Variants in CPA6 observed in about 807,000 individuals in gnomAD.
The protein encoded by CPA6 is carboxypeptidase B.
CPA6 carries 58 observed loss-of-function variants against 63.3 expected under a neutral mutation model. The observed-to-expected ratio is 0.92, with a 90% CI of 0.74 to 1.14. The LOEUF (loss-of-function observed/expected upper bound fraction) is 1.14, where lower values mean the gene tolerates loss of function less well. Among genes scored for constraint, CPA6 ranks in the 50% most tolerant of loss-of-function variants. The probability of loss-of-function intolerance (pLI) is 0.00; values close to 1 mark genes in which losing one functional copy is unlikely to be tolerated. For synonymous variants in CPA6, 185 were observed against 179.0 expected, an observed-to-expected ratio of 1.03 and a Z score of -0.27; for missense variants, 565 against 526.6, an observed-to-expected ratio of 1.07 and a Z score of -0.71.
rs1210945048 is a variant in CPA6, at chr8:67,742,938, A to G, written c.116+3076T>C. On this transcript the variant is annotated intron_variant, in intron 1 of 10. Coordinates refer to ENST00000297770, the MANE Select transcript of CPA6 (RefSeq NM_020361.5). The stretch of plus-strand genomic sequence containing the variant: ...TCTTTTACCACTATTTTAAAAATCT[A>G]CCCTAATTTTCTGTGACGCAGAAGA... Among the ~76,000 whole-genome samples the G allele has an allele frequency of 4.6e-5, 7 of 151,890 alleles. No homozygotes were observed. The East Asian group carries it at 1.3e-3, about 29-fold the overall frequency.
chr8:67,434,025 G>T lies in CPA6; in HGVS notation c.1041+13C>A. ...ATGAAGCCTGATGTACATGCACAGG[G>T]TCAAATACTTACCACACATCTAAAA... On this transcript the variant is annotated intron_variant, in intron 9 of 10. Coordinates refer to ENST00000297770, the MANE Select transcript of CPA6 (RefSeq NM_020361.5). 1 of 1,592,908 alleles carries T rather than the reference G, an allele frequency of 6.3e-7. No homozygotes were observed. The highest frequency in any genetic ancestry group is 8.6e-7 in the Non-Finnish European group (1 of 1,162,388).
At chr8:67,613,093 A>G (rs1587634297) in intron 2 of CPA6, among the ~76,000 whole-genome samples, 2 of 152,330 alleles carry the variant, frequency 1.3e-5, no homozygotes, top group South Asian at 2.1e-4. Context: ...TCATCAAGCT[A>G]TTACAGAAAT....
intron 6 of CPA6, among the ~76,000 whole-genome samples, chr8:67,500,242 C>T (rs1811804194): frequency 6.6e-6 from 1 of 152,062 alleles, no homozygotes; most frequent in African/African-American, 2.4e-5. Flanking sequence ...TATTTTTAGC[C>T]ACTCAGATAG....
In CPA6 at chr8:67,525,208, C is replaced by T. The variant is rs552113504; in HGVS notation, c.193-7161G>A. On this transcript the variant is annotated intron_variant, in intron 2 of 10. Coordinates refer to ENST00000297770, the MANE Select transcript of CPA6 (RefSeq NM_020361.5). ...CATAGGCCCATCCTTTCTTTCCAAC[C>T]ACAGAAGTAATTTGCAATTTATCAC... is the stretch of plus-strand genomic sequence containing the variant. 2.0e-5 allele frequency among the ~76,000 whole-genome samples: 3 copies of T among 152,206 alleles called. No individual in the cohort carries two copies. In the South Asian group the frequency reaches 6.2e-4, roughly 32 times the overall value.
intron 2 of CPA6, among the ~76,000 whole-genome samples, chr8:67,604,446 G>T (rs10808755): frequency 0.56 from 85,223 of 151,966 alleles, 26,321 homozygotes; most frequent in African/African-American, 0.83. Context: ...TCCCTGACCG[G>T]TCATTCCATT....
chr8:67,449,908 C>A (rs549197947), intron 8 of CPA6, among the ~76,000 whole-genome samples: 12 of 151,520 alleles, frequency 7.9e-5, no homozygotes, highest in African/African-American at 2.9e-4. Context: ...CTCCACCTCC[C>A]GGGTTCAAGC....
At chr8:67,475,937 TTTCTTTCTC>T (rs1563968314) in intron 8 of CPA6, among the ~76,000 whole-genome samples, 1 of 142,066 alleles carries the variant, frequency 7.0e-6, no homozygotes, top group Non-Finnish European at 1.5e-5. Context: ...TTTCTTTCTC[TTTCTTTCTC>T]TGTCTTTCTT....
intron 1 of CPA6, among the ~76,000 whole-genome samples, chr8:67,741,828 A>G (rs1285819412): frequency 1.3e-5 from 2 of 152,168 alleles, no homozygotes; most frequent in Non-Finnish European, 2.9e-5. Context: ...CGTAATAACA[A>G]TAGAAATAAA....
chr8:67,431,163 C>A (rs780233738), intron 9 of CPA6, among the ~76,000 whole-genome samples: 5 of 152,088 alleles, frequency 3.3e-5, no homozygotes, highest in Non-Finnish European at 4.4e-5. Flanking sequence ...CCATTTTATG[C>A]CACATGTTCC....
intron 2 of CPA6, among the ~76,000 whole-genome samples, chr8:67,577,010 C>T (rs1033054032): frequency 1.3e-5 from 2 of 152,072 alleles, no homozygotes; most frequent in African/African-American, 4.8e-5. Flanking sequence ...ATTACAGGCG[C>T]CTGCTACCAC....
At chr8:67,559,596 T>C (rs911413758) in intron 2 of CPA6, among the ~76,000 whole-genome samples, 2 of 152,170 alleles carry the variant, frequency 1.3e-5, no homozygotes, top group African/African-American at 4.8e-5. Context: ...TGACTGTCCA[T>C]TGCCAATATT....
chr8:67,463,352 G>C (rs1810854932), intron 8 of CPA6, among the ~76,000 whole-genome samples: 1 of 152,116 alleles, frequency 6.6e-6, no homozygotes, highest in Non-Finnish European at 1.5e-5. Flanking sequence ...GCTAAGGCAG[G>C]AGGATTTCTT....
chr8:67,432,800 A>T (rs1810057764), intron 9 of CPA6, among the ~76,000 whole-genome samples: 1 of 152,178 alleles, frequency 6.6e-6, no homozygotes, highest in Non-Finnish European at 1.5e-5. Context: ...ATAGTATGCA[A>T]AGCTCTTTCC....
Position 67,463,465 on chromosome 8 carries a change from A to C in CPA6, c.838+20303T>G, listed in dbSNP as rs565048681. Among the ~76,000 whole-genome samples the C allele has an allele frequency of 2.2e-3, 306 of 137,618 alleles. 2 individuals carry two copies. Among genetic ancestry groups the C allele is most frequent in the Non-Finnish European group, 3.5e-3 (235 of 66,912 alleles). 90.3% of individuals were successfully genotyped at this position (137,618 alleles called of 152,430 possible). On this transcript the variant is annotated intron_variant, in intron 8 of 10. Transcript: ENST00000297770. Reference sequence around the variant, plus strand: ...TCTCTCTCTCAAAAATAAATAAATAAATAAATAAATAGATAAATAAAAGAA... The same window carrying C: ...TCTCTCTCTCAAAAATAAATAAATACATAAATAAATAGATAAATAAAAGAA...
intron 6 of CPA6, among the ~76,000 whole-genome samples, chr8:67,505,053 A>G (rs918525028): frequency 6.6e-6 from 1 of 152,192 alleles, no homozygotes; most frequent in African/African-American, 2.4e-5. Context: ...CTGTGGGTAC[A>G]CTGTCCTTCT....
intron 8 of CPA6, 112 bp from the exon 9 acceptor site, chr8:67,434,352 T>G: frequency 1.2e-6 from 1 of 829,902 alleles, no homozygotes; most frequent in Non-Finnish European, 1.9e-6. Context: ...ACATATGGTA[T>G]TATTAAGCAA....
intron 1 of CPA6, among the ~76,000 whole-genome samples, chr8:67,657,007 C>T (rs1192563232): frequency 6.6e-6 from 1 of 152,184 alleles, no homozygotes; most frequent in Non-Finnish European, 1.5e-5. Flanking sequence ...ATCCTATGTT[C>T]TATTTCTACC....
intron 1 of CPA6, among the ~76,000 whole-genome samples, chr8:67,689,789 C>T (rs2128997146): frequency 6.6e-6 from 1 of 152,144 alleles, no homozygotes; most frequent in Admixed American, 6.5e-5. Context: ...GGGTATATAC[C>T]CAGTAATGGG....
chr8:67,466,462 A>G (rs1810928125), intron 8 of CPA6, among the ~76,000 whole-genome samples: 1 of 151,958 alleles, frequency 6.6e-6, no homozygotes, highest in Non-Finnish European at 1.5e-5. Context: ...AATTTCATTG[A>G]GTTCTGCTCT....
Sources: gnomAD v4.1 joint callset for allele counts (sites outside exome capture counted in the v4.1 genomes callset) on GRCh38, gnomAD v4.1.1 for gene constraint, MANE v1.5 for transcripts, NCBI Gene and HGNC (gene_info 2026-07-23, HGNC 2026-07-21) for gene names.